The following TAS2R1 variants were observed in gnomAD, a reference collection of about 807,000 sequenced individuals.
TAS2R1 encodes the protein taste 2 receptor member 1, also known as taste receptor type 2 member 1.
For missense variants in TAS2R1, 370 were observed against 353.4 expected (o/e 1.05, Z -0.38); for synonymous variants, 141 against 134.2 (o/e 1.05, Z -0.35).
At chr5:9,723,215 C>T in the TAS2R1 span, among the ~76,000 whole-genome samples, 2 of 152,050 alleles carry the variant, frequency 1.3e-5, no homozygotes, top group East Asian at 3.9e-4. Flanking sequence ...TGGTGGTTCT[C>T]TGTTGTTGCC....
chr5:9,690,242 C>A (rs1256406496), intron 1 of TAS2R1, among the ~76,000 whole-genome samples: 1 of 152,104 alleles, frequency 6.6e-6, no homozygotes, highest in African/African-American at 2.4e-5. Flanking sequence ...CAAATATTGA[C>A]CAAGACTTAT....
At chr5:9,847,594 A>C in the TAS2R1 span, among the ~76,000 whole-genome samples, 2 of 152,220 alleles carry the variant, frequency 1.3e-5, no homozygotes, top group Non-Finnish European at 2.9e-5. Context: ...TACTCTCACC[A>C]GGGACTGGCT....
chr5:9,630,694 TAATGAAATG>T (rs1739857324), upstream of TAS2R1, among the ~76,000 whole-genome samples: 1 of 152,168 alleles, frequency 6.6e-6, no homozygotes, highest in Admixed American at 6.5e-5. Context: ...AAGTAAGGTG[TAATGAAATG>T]AAGACAAGCA....
the TAS2R1 span, among the ~76,000 whole-genome samples, chr5:9,842,403 C>A: frequency 6.6e-6 from 1 of 150,528 alleles, no homozygotes; most frequent in African/African-American, 2.5e-5. Context: ...TCACTGCAAC[C>A]TCCACCTCCC....
intron 1 of TAS2R1, among the ~76,000 whole-genome samples, chr5:9,689,039 A>C (rs1741183473): frequency 6.6e-6 from 1 of 152,122 alleles, no homozygotes; most frequent in Non-Finnish European, 1.5e-5. Flanking sequence ...AGGCATTTAA[A>C]GGCTCCAGAG....
At chr5:9,753,728 G>T in the TAS2R1 span, among the ~76,000 whole-genome samples, 8,100 of 152,216 alleles carry the variant, frequency 0.053, 277 homozygotes, top group East Asian at 0.16. Context: ...TTTTGTATAA[G>T]GTGTAAGGAA....
chr5:9,897,811 C>T, the TAS2R1 span, among the ~76,000 whole-genome samples: 105,497 of 151,992 alleles, frequency 0.69, 37,395 homozygotes, highest in East Asian at 0.9. Context: ...TGAAAGCAAC[C>T]AAACAATTTA....
At chr5:9,871,612 T>C in the TAS2R1 span, among the ~76,000 whole-genome samples, 11 of 152,168 alleles carry the variant, frequency 7.2e-5, no homozygotes, top group African/African-American at 2.7e-4. Context: ...AGCAACAGTA[T>C]CTACAGGAGG....
the TAS2R1 span, among the ~76,000 whole-genome samples, chr5:9,892,108 C>G: frequency 6.6e-6 from 1 of 152,200 alleles, no homozygotes; most frequent in Non-Finnish European, 1.5e-5. Context: ...TTCCTCTCCC[C>G]ACAATCCCTT....
At chr5:9,641,487 G>C (rs193040514) in intron 2 of TAS2R1, 5 of 152,114 alleles carry the variant, frequency 3.3e-5, no homozygotes, top group Non-Finnish European at 5.9e-5. Context: ...TCACTCTCTT[G>C]AGACTCACTC....
At chr5:9,783,427 C>G in the TAS2R1 span, among the ~76,000 whole-genome samples, 1 of 152,192 alleles carries the variant, frequency 6.6e-6, no homozygotes, top group Non-Finnish European at 1.5e-5. Flanking sequence ...AGAGACTCCT[C>G]CCTGCAGAAC....
the TAS2R1 span, among the ~76,000 whole-genome samples, chr5:9,731,677 T>A: frequency 4.6e-5 from 7 of 152,254 alleles, no homozygotes; most frequent in Non-Finnish European, 8.8e-5. Flanking sequence ...CTGGAAAGTA[T>A]TCCTGGATCC....
At position 9,684,862 on chromosome 5, in the gene TAS2R1, G is replaced by GA. The variant is rs547606362; in HGVS notation, c.-241-25282dup. 1.5e-3 allele frequency among the ~76,000 whole-genome samples: 233 copies of GA among 151,590 alleles called. 2 individuals carry two copies. Among genetic ancestry groups the GA allele is most frequent in the African/African-American group, 5.2e-3 (214 of 41,390 alleles). On this transcript the variant is annotated intron_variant, in intron 1 of 2. Transcript: ENST00000506620. ...ATTATGTATCAACTAAAAGTTAAAGGAAAAAAAAGACAAGCTTTGAAATCA... is the reference window on the plus strand; with the variant it reads ...ATTATGTATCAACTAAAAGTTAAAGGAAAAAAAAAGACAAGCTTTGAAATCA...
At chr5:9,668,865 C>T (rs564835341) in intron 1 of TAS2R1, among the ~76,000 whole-genome samples, 2 of 152,030 alleles carry the variant, frequency 1.3e-5, no homozygotes, top group South Asian at 4.2e-4. Context: ...ATCAAGTCTG[C>T]ATAATAACCA....
intron 1 of TAS2R1, among the ~76,000 whole-genome samples, chr5:9,703,443 C>A (rs1210949336): frequency 1.3e-5 from 2 of 152,088 alleles, no homozygotes; most frequent in Non-Finnish European, 2.9e-5. Context: ...TTCCAGGGAG[C>A]CTGTACTCTG....
At chr5:9,706,089 A>C (rs1198498426) in intron 1 of TAS2R1, among the ~76,000 whole-genome samples, 1 of 152,174 alleles carries the variant, frequency 6.6e-6, no homozygotes, top group East Asian at 1.9e-4. Flanking sequence ...AATAAATACA[A>C]TGTTCTGATC....
the TAS2R1 span, among the ~76,000 whole-genome samples, chr5:9,866,067 T>G: frequency 6.6e-6 from 1 of 152,226 alleles, no homozygotes; most frequent in East Asian, 1.9e-4. Flanking sequence ...TTACTTACTC[T>G]TCTATACATT....
At chr5:9,779,372 C>G in the TAS2R1 span, among the ~76,000 whole-genome samples, 3 of 152,218 alleles carry the variant, frequency 2.0e-5, no homozygotes, top group Non-Finnish European at 4.4e-5. Flanking sequence ...TTATAAATTA[C>G]TCAGTGTCAG....
chr5:9,878,790 T>G, the TAS2R1 span, among the ~76,000 whole-genome samples: 1 of 152,214 alleles, frequency 6.6e-6, no homozygotes, highest in Non-Finnish European at 1.5e-5. Context: ...CAAAACTGTG[T>G]GGATGTTGTA....
Sources: gnomAD v4.1 joint callset for allele counts (sites outside exome capture counted in the v4.1 genomes callset) on GRCh38, gnomAD v4.1.1 for gene constraint, MANE v1.5 for transcripts, NCBI Gene and HGNC (gene_info 2026-07-23, HGNC 2026-07-21) for gene names.